Variants in RERE observed in about 807,000 individuals in gnomAD.
RERE encodes the protein arginine-glutamic acid dipeptide repeats.
A neutral mutation model predicts 146.1 loss-of-function variants in RERE; 40 were observed. That is an observed-to-expected ratio of 0.27 (90% CI 0.21 to 0.36). The LOEUF is 0.36. RERE is among the 10% of genes least tolerant of loss of function. The pLI, the probability that RERE is intolerant of heterozygous loss-of-function variation, is 1.00. For synonymous variants in RERE, 1,003 were observed against 866.0 expected (o/e 1.16, Z -2.78); for missense variants, 1,933 against 2,138.7 (o/e 0.90, Z 1.90).
chr1:8,710,731 G>A (rs1397021302), intron 1 of RERE, among the ~76,000 whole-genome samples: 3 of 152,092 alleles, frequency 2.0e-5, no homozygotes, highest in Non-Finnish European at 2.9e-5. Context: ...TAGCCAGGAC[G>A]GTCTCAATCT....
chr1:8,407,041 G>T (rs917633286), intron 12 of RERE, among the ~76,000 whole-genome samples: 2 of 152,202 alleles, frequency 1.3e-5, no homozygotes, highest in Non-Finnish European at 2.9e-5. Context: ...GAAAGTTAAT[G>T]AACATGGAGG....
chr1:8,571,334 T>C (rs1557691761), intron 4 of RERE, among the ~76,000 whole-genome samples: 2 of 152,238 alleles, frequency 1.3e-5, no homozygotes. Flanking sequence ...GGTGATATGC[T>C]TTTTGTACCA....
chr1:8,639,671 G>C (rs535268920), intron 2 of RERE, among the ~76,000 whole-genome samples: 12 of 152,160 alleles, frequency 7.9e-5, no homozygotes, highest in South Asian at 4.1e-4. Flanking sequence ...TGAAATAGTG[G>C]TAATTAAACT....
chr1:8,417,725 CCATACA>C (rs1416342690), intron 12 of RERE, among the ~76,000 whole-genome samples: 1 of 152,152 alleles, frequency 6.6e-6, no homozygotes, highest in Non-Finnish European at 1.5e-5. Context: ...CCACACTCAC[CCATACA>C]CATTCTTTGG....
chr1:8,527,869 C>G (rs1342975806), intron 7 of RERE, among the ~76,000 whole-genome samples: 1 of 152,148 alleles, frequency 6.6e-6, no homozygotes, highest in East Asian at 1.9e-4. Context: ...AAAAGTCACC[C>G]ACACTACCAC....
intron 11 of RERE, among the ~76,000 whole-genome samples, chr1:8,437,917 C>T (rs1009801611): frequency 6.0e-5 from 9 of 149,976 alleles, no homozygotes; most frequent in Non-Finnish European, 8.9e-5. Context: ...TTTTCATCCT[C>T]GTTTGTGATA....
chr1:8,673,432 A>T (rs1029926539), intron 1 of RERE, among the ~76,000 whole-genome samples: 2 of 152,180 alleles, frequency 1.3e-5, no homozygotes, highest in Non-Finnish European at 2.9e-5. Context: ...CTCAAGGATG[A>T]TATAATGACC....
At chr1:8,799,099 T>A (rs1306427802) in intron 1 of RERE, among the ~76,000 whole-genome samples, 3 of 152,100 alleles carry the variant, frequency 2.0e-5, no homozygotes, top group Admixed American at 6.6e-5. Context: ...GTTCAAGCTA[T>A]TCTCCTGCCT....
At chr1:8,648,736 C>G (rs1402279057) in intron 2 of RERE, among the ~76,000 whole-genome samples, 1 of 151,936 alleles carries the variant, frequency 6.6e-6, no homozygotes, top group Non-Finnish European at 1.5e-5. Flanking sequence ...ATAAAATGGT[C>G]AAATATTTTG....
chr1:8,375,284 C>T (rs908074276), intron 12 of RERE, among the ~76,000 whole-genome samples: 7 of 152,216 alleles, frequency 4.6e-5, no homozygotes, highest in Non-Finnish European at 7.3e-5. Context: ...CATGTAAGGT[C>T]ATTAGAAGTA....
At chr1:8,675,700 G>A (rs1638822707) in intron 1 of RERE, among the ~76,000 whole-genome samples, 1 of 151,552 alleles carries the variant, frequency 6.6e-6, no homozygotes, top group Non-Finnish European at 1.5e-5. Flanking sequence ...TCCAGCCTGG[G>A]CGACAAGAGC....
intron 12 of RERE, among the ~76,000 whole-genome samples, chr1:8,401,779 T>C (rs1043005295): frequency 1.3e-5 from 2 of 151,948 alleles, no homozygotes; most frequent in Non-Finnish European, 2.9e-5. Flanking sequence ...AAAAGCCTAC[T>C]TTCCCTTCCC....
chr1:8,621,029 A>G (rs1482989805), intron 3 of RERE, among the ~76,000 whole-genome samples: 1 of 151,920 alleles, frequency 6.6e-6, no homozygotes, highest in Non-Finnish European at 1.5e-5. Flanking sequence ...AAATACACCT[A>G]CCAGTGTAGG....
intron 8 of RERE, among the ~76,000 whole-genome samples, chr1:8,506,241 T>C (rs10864355): frequency 0.84 from 128,503 of 152,168 alleles, 54,567 homozygotes; most frequent in East Asian, 0.95. Context: ...AGCCCCGAGG[T>C]GGCAGTCAGG....
chr1:8,627,501 T>TA (rs1646988399), intron 2 of RERE, among the ~76,000 whole-genome samples: 1 of 149,912 alleles, frequency 6.7e-6, no homozygotes, highest in Admixed American at 6.7e-5. Flanking sequence ...ACTCAGGACT[T>TA]AGAGGCAGGA....
chr1:8,636,763 T>C (rs2124269960), intron 2 of RERE, among the ~76,000 whole-genome samples: 1 of 152,200 alleles, frequency 6.6e-6, no homozygotes, highest in African/African-American at 2.4e-5. Flanking sequence ...GCCTTGCTCT[T>C]CTTACTCTTC....
intron 8 of RERE, among the ~76,000 whole-genome samples, chr1:8,502,456 AGGGT>A (rs2124273104): frequency 9.5e-6 from 1 of 105,692 alleles, no homozygotes; most frequent in East Asian, 3.2e-4. Flanking sequence ...CCCGTCCGGG[AGGGT>A]GGTGGGGGGG....
At chr1:8,604,611 AG>A (rs1412981234) in intron 4 of RERE, among the ~76,000 whole-genome samples, 31 of 93,556 alleles carry the variant, frequency 3.3e-4, no homozygotes, top group African/African-American at 6.6e-4. Context: ...GGAGGGAGGG[AG>A]GGAGGGAGGG....
chr1:8,358,086 G>A lies in RERE; in HGVS notation c.4339+110C>T, dbSNP rs191654399. ...CTCTTCTAAGATCTGCCAGGGATGA[G>A]GGATCTGTTCAGAAAAGAACAGTTT... On this transcript the variant is annotated intron_variant, in intron 20 of 22. Transcript: ENST00000400908. 2.6e-4 allele frequency: 384 copies of A among 1,486,148 alleles called. 1 individual carries two copies. The Middle Eastern group carries it at 5.5e-3, about 21-fold the overall frequency. 92.1% of individuals were successfully genotyped at this position (1,486,148 alleles called of 1,614,324 possible). A position where few individuals can be genotyped will look rare whatever the true frequency, so the allele number is the denominator to read the frequency against.
Sources: gnomAD v4.1 joint callset for allele counts (sites outside exome capture counted in the v4.1 genomes callset) on GRCh38, gnomAD v4.1.1 for gene constraint, MANE v1.5 for transcripts, NCBI Gene and HGNC (gene_info 2026-07-23, HGNC 2026-07-21) for gene names.